The following TNFRSF10C variants were observed in gnomAD, a reference collection of about 807,000 sequenced individuals.
The protein encoded by TNFRSF10C is TNF receptor superfamily member 10c, also known as tumor necrosis factor receptor superfamily member 10C.
Under a neutral mutation model 16.7 loss-of-function variants are expected in TNFRSF10C, and 17 were observed. That is an observed-to-expected ratio of 1.02 (90% CI 0.70 to 1.53). The LOEUF is 1.53. Among genes scored for constraint, TNFRSF10C ranks in the 40% most tolerant of loss-of-function variants. The pLI is 0.00. For missense variants in TNFRSF10C, 237 were observed against 329.7 expected, an observed-to-expected ratio of 0.72 and a Z score of 2.18; for synonymous variants, 73 against 119.7, an observed-to-expected ratio of 0.61 and a Z score of 2.55.
chr8:23,103,561 T>A (rs2128829372), intron 1 of TNFRSF10C: 1 of 266,578 alleles, frequency 3.8e-6, no homozygotes, highest in South Asian at 4.8e-5. Context: ...TTCTTAAACG[T>A]GTTCCTTGGA....
At position 23,103,110 on chromosome 8, in the gene TNFRSF10C, G is replaced by A. The variant is rs745871048; in HGVS notation, c.-12G>A. The A allele has an allele frequency of 4.3e-6, 7 of 1,609,730 alleles. No individual in the cohort carries two copies. Among genetic ancestry groups the A allele is most frequent in the Admixed American group, 3.4e-5 (2 of 59,474 alleles). ...GCGACCCAGGACCCAGGACGGCGTC[G>A]GGAACCATACCATGGCCCGGATCCC... On this transcript the variant is annotated 5_prime_UTR_variant, in exon 1 of 5. Coordinates refer to ENST00000356864, the MANE Select transcript of TNFRSF10C (RefSeq NM_003841.5).
intron 1 of TNFRSF10C, 138 bp downstream of exon 1, chr8:23,103,319 C>T: frequency 6.9e-7 from 1 of 1,457,046 alleles, no homozygotes; most frequent in Non-Finnish European, 9.3e-7. Flanking sequence ...AACTCGCCGT[C>T]GGAGTCAGGG....
At chr8:23,104,055 T>C (rs557477628) in intron 1 of TNFRSF10C, among the ~76,000 whole-genome samples, 2 of 152,348 alleles carry the variant, frequency 1.3e-5, no homozygotes, top group South Asian at 4.1e-4. Context: ...CATTTTCACC[T>C]CTCAAAAATT....
chr8:23,106,176 TC>T (rs2070899245), intron 1 of TNFRSF10C, among the ~76,000 whole-genome samples: 1 of 150,150 alleles, frequency 6.7e-6, no homozygotes, highest in South Asian at 2.1e-4. Flanking sequence ...TGAATCCTGT[TC>T]CCTGGAGCCC....
rs114358398 is a variant in TNFRSF10C, at chr8:23,114,735, A to C, written c.245A>C (p.Glu82Ala). The change falls in exon 3 of 5, where the codon GAA becomes GCA. Residue 82 changes from glutamate to alanine, a missense_variant. Glu to Ala is a moderately radical substitution (Grantham distance 107). This residue lies in a region of TNFRSF10C where 212 missense variants were observed against 196.8 expected (regional missense o/e 1.08). Transcript: ENST00000356864. ...GATTACACCAACGCTTCCAACAATG[A>C]ACCTTCTTGCTTCCCATGTACAGTT... The part of the protein sequence containing the change: ...GVDYTNASNN[E>A]PSCFPCTVCK... The C allele has an allele frequency of 5.4e-4, 866 of 1,613,176 alleles. No individual in the cohort carries two copies. In the African/African-American group the frequency reaches 9.8e-3, roughly 18 times the overall value.
intron 1 of TNFRSF10C, among the ~76,000 whole-genome samples, chr8:23,110,232 G>A (rs890849810): frequency 2.6e-5 from 4 of 152,058 alleles, no homozygotes; most frequent in African/African-American, 7.2e-5. Context: ...ACTCCAACCC[G>A]GGAAAGAATG....
At chr8:23,103,576 G>C (rs1813713059) in intron 1 of TNFRSF10C, 1 of 223,858 alleles carries the variant, frequency 4.5e-6, no homozygotes, top group Admixed American at 5.4e-5. Context: ...CTTGGAGATC[G>C]GTTTAACCAA....
chr8:23,111,079 G>A (rs1300838165), intron 1 of TNFRSF10C, among the ~76,000 whole-genome samples: 1 of 152,148 alleles, frequency 6.6e-6, no homozygotes, highest in Non-Finnish European at 1.5e-5. Context: ...AATAGCCACT[G>A]CATTCCAGCC....
At position 23,105,109 on chromosome 8, in the gene TNFRSF10C, G is replaced by A. The variant is rs183881733; in HGVS notation, c.60+1928G>A. 6.3e-3 allele frequency among the ~76,000 whole-genome samples: 967 copies of A among 152,286 alleles called. 12 individuals are homozygous for A. Among genetic ancestry groups the A allele is most frequent in the Non-Finnish European group, 0.011 (759 of 68,016 alleles). ...AAAGTAGGAATTGAGAAGTTCCAAC[G>A]GCTCAGAATCTCGGACTCTCAGGCT... On this transcript the variant is annotated intron_variant, in intron 1 of 4. Coordinates refer to ENST00000356864, the MANE Select transcript of TNFRSF10C (RefSeq NM_003841.5).
intron 2 of TNFRSF10C, 88 bp downstream of exon 2, chr8:23,111,913 A>G: frequency 1.6e-6 from 2 of 1,288,870 alleles, no homozygotes; most frequent in Non-Finnish European, 1.1e-6. Context: ...ATGTTTTGAA[A>G]TATGTACGCA....
rs201593663 is a variant in TNFRSF10C at position 23,117,074 on chromosome 8, T to C, written c.*43T>C. On this transcript the variant is annotated 3_prime_UTR_variant, in exon 5 of 5. Transcript: ENST00000356864. ...GAAATTCCTTCCTTACCTGAAAGGT[T>C]CAGGTAGGCGCTGGCTGAGGGCGGG... 1.2e-4 allele frequency: 193 copies of C among 1,598,254 alleles called. No homozygotes were observed. The East Asian group carries it at 3.6e-3, about 30-fold the overall frequency.
At chr8:23,111,618 T>G in intron 1 of TNFRSF10C, 102 bp from the exon 2 acceptor site, 1 of 898,938 alleles carries the variant, frequency 1.1e-6, no homozygotes, top group Admixed American at 2.1e-5. Context: ...ATGTCCAAGC[T>G]CTGATGGGTT....
intron 1 of TNFRSF10C, among the ~76,000 whole-genome samples, chr8:23,111,218 T>TA (rs1813871505): frequency 2.1e-5 from 3 of 146,030 alleles, no homozygotes; most frequent in Non-Finnish European, 4.6e-5. Flanking sequence ...TTTCATTTTT[T>TA]CTTTTTTTTT....
At chr8:23,107,468 T>G (rs1309369526) in intron 1 of TNFRSF10C, among the ~76,000 whole-genome samples, 2 of 152,188 alleles carry the variant, frequency 1.3e-5, no homozygotes, top group East Asian at 3.8e-4. Flanking sequence ...ACTACATGCT[T>G]CAAAAATGTA....
chr8:23,107,375 A>G (rs546583393), intron 1 of TNFRSF10C, among the ~76,000 whole-genome samples: 1 of 152,356 alleles, frequency 6.6e-6, no homozygotes, highest in Admixed American at 6.5e-5. Context: ...TGAAGAATGA[A>G]GAAATTCTGG....
intron 1 of TNFRSF10C, among the ~76,000 whole-genome samples, chr8:23,107,940 T>G (rs994808121): frequency 2.0e-5 from 3 of 152,162 alleles, no homozygotes; most frequent in Admixed American, 2.0e-4. Context: ...CCAAGAAAAC[T>G]GCCATGGCTA....
rs530338838 is a variant in TNFRSF10C, at chr8:23,115,572, C to A, written c.345C>A (p.Thr115=). The part of the protein sequence containing the change: ...RDTVCQCKEG[T]FRNENSPEMC... ...CAGTGTGTCAGTGTAAAGAAGGCAC[C>A]TTCCGGAATGAAAACTCCCCAGAGA... The change falls in exon 4 of 5, where the codon ACC becomes ACA. Residue 115 remains threonine, a synonymous_variant. Coordinates refer to ENST00000356864, the MANE Select transcript of TNFRSF10C (RefSeq NM_003841.5). 9.9e-6 allele frequency: 16 copies of A among 1,613,704 alleles called. No individual in the cohort carries two copies. Among genetic ancestry groups the A allele is most frequent in the East Asian group, 4.5e-5 (2 of 44,866 alleles).
chr8:23,107,398 A>G (rs1472416911), intron 1 of TNFRSF10C, among the ~76,000 whole-genome samples: 1 of 152,208 alleles, frequency 6.6e-6, no homozygotes, highest in African/African-American at 2.4e-5. Flanking sequence ...TGTGGTGGAC[A>G]TGTCATTTTC....
intron 1 of TNFRSF10C, among the ~76,000 whole-genome samples, chr8:23,109,257 G>A (rs1360460608): frequency 6.6e-6 from 1 of 152,096 alleles, no homozygotes; most frequent in Non-Finnish European, 1.5e-5. Flanking sequence ...CTGAAGTGTG[G>A]ACTTTAAATG....
Sources: gnomAD v4.1 joint callset for allele counts (sites outside exome capture counted in the v4.1 genomes callset) on GRCh38, gnomAD v4.1.1 for gene constraint, gnomAD v4.1.1 regional missense constraint, MANE v1.5 for transcripts, NCBI Gene and HGNC (gene_info 2026-07-23, HGNC 2026-07-21) for gene names.